The following UNC5D variants were observed in gnomAD, a reference collection of about 807,000 sequenced individuals.
UNC5D encodes unc-5 netrin receptor D.
UNC5D carries 39 observed loss-of-function variants against 105.4 expected under a neutral mutation model. The ratio of observed to expected loss-of-function variants is 0.37; its 90% CI spans 0.29 to 0.48. The LOEUF is 0.48. UNC5D is among the 20% of genes least tolerant of loss of function. The probability of loss-of-function intolerance (pLI) is 0.98; values close to 1 mark genes in which losing one functional copy is unlikely to be tolerated. For synonymous variants in UNC5D, 452 were observed against 450.4 expected, an observed-to-expected ratio of 1.00 and a Z score of -0.04; for missense variants, 991 against 1,202.4, an observed-to-expected ratio of 0.82 and a Z score of 2.60.
chr8:35,551,379 T>G (rs931124535), intron 2 of UNC5D, among the ~76,000 whole-genome samples: 2 of 152,126 alleles, frequency 1.3e-5, no homozygotes, highest in African/African-American at 4.8e-5. Flanking sequence ...GAAGAGTAGA[T>G]TTGAGAATCA....
rs573154162 is a variant in UNC5D, at chr8:35,614,573, A to T, written c.570+18916A>T. ...GAAAACTAATACACTCTAAAAAAAAAAGTGAGTTTTACTAGTTAAACGCTA... is the reference window on the plus strand; with the variant it reads ...GAAAACTAATACACTCTAAAAAAAATAGTGAGTTTTACTAGTTAAACGCTA... On this transcript the variant is annotated intron_variant, in intron 4 of 16. Transcript: ENST00000404895. 1.2e-4 allele frequency among the ~76,000 whole-genome samples: 19 copies of T among 152,258 alleles called. 1 individual carries two copies. In the South Asian group the frequency reaches 3.9e-3, roughly 32 times the overall value.
chr8:35,269,709 G>A (rs971312206), intron 1 of UNC5D, among the ~76,000 whole-genome samples: 7 of 152,092 alleles, frequency 4.6e-5, no homozygotes, highest in African/African-American at 7.2e-5. Flanking sequence ...TCCCATCGCC[G>A]GTTTGGGTAT....
At chr8:35,356,213 A>C (rs1801543847) in intron 1 of UNC5D, among the ~76,000 whole-genome samples, 1 of 151,928 alleles carries the variant, frequency 6.6e-6, no homozygotes. Flanking sequence ...CAACCAAGCT[A>C]CTCCAGGAAT....
At chr8:35,604,633 G>C (rs1461078362) in intron 4 of UNC5D, among the ~76,000 whole-genome samples, 2 of 152,224 alleles carry the variant, frequency 1.3e-5, no homozygotes, top group Admixed American at 1.3e-4. Flanking sequence ...ATATCCTGCA[G>C]AGTGTTTTCC....
At chr8:35,784,092 C>T (rs929638157) in intron 16 of UNC5D, among the ~76,000 whole-genome samples, 2 of 152,072 alleles carry the variant, frequency 1.3e-5, no homozygotes, top group African/African-American at 2.4e-5. Flanking sequence ...TCCAGTTCTG[C>T]CCTGGCTTCT....
At chr8:35,526,306 C>T (rs551076912) in intron 1 of UNC5D, among the ~76,000 whole-genome samples, 1 of 152,172 alleles carries the variant, frequency 6.6e-6, no homozygotes, top group Non-Finnish European at 1.5e-5. Flanking sequence ...GCAGCACACT[C>T]TCCAGAAAGC....
At chr8:35,740,927 G>C (rs769000356) in intron 11 of UNC5D, among the ~76,000 whole-genome samples, 14 of 152,252 alleles carry the variant, frequency 9.2e-5, no homozygotes, top group Non-Finnish European at 2.1e-4. Flanking sequence ...AGAGAAGGCT[G>C]TTTTCTCTAT....
intron 1 of UNC5D, among the ~76,000 whole-genome samples, chr8:35,281,691 C>T (rs1346932176): frequency 1.3e-5 from 2 of 152,164 alleles, no homozygotes; most frequent in East Asian, 3.9e-4. Flanking sequence ...GCAGAATGTT[C>T]TCCTGTGAGC....
At chr8:35,583,042 G>GGT (rs1273858394) in intron 3 of UNC5D, among the ~76,000 whole-genome samples, 1 of 152,148 alleles carries the variant, frequency 6.6e-6, no homozygotes, top group Non-Finnish European at 1.5e-5. Context: ...TCAGAAAAGG[G>GGT]ATACTTGACA....
intron 3 of UNC5D, among the ~76,000 whole-genome samples, chr8:35,594,886 A>AAT (rs1178257610): frequency 1.6e-4 from 25 of 152,216 alleles, no homozygotes; most frequent in African/African-American, 5.3e-4. Context: ...GTAAAAGGTT[A>AAT]ATAGTACAGC....
In UNC5D at chr8:35,534,170, C is replaced by T. The variant is rs374914007; in HGVS notation, c.104-15122C>T. 2.4e-4 allele frequency among the ~76,000 whole-genome samples: 36 copies of T among 152,038 alleles called. No individual in the cohort carries two copies. In the East Asian group the frequency reaches 4.3e-3, roughly 18 times the overall value. On this transcript the variant is annotated intron_variant, in intron 1 of 16. Coordinates refer to ENST00000404895, the MANE Select transcript of UNC5D (RefSeq NM_080872.4). ...TCAGTTTTCTTTTGTAGTTTTTTAT[C>T]GCTGGAATTGTATAATATTATAGGG... is the stretch of plus-strand genomic sequence containing the variant.
At chr8:35,490,227 G>T (rs1434090196) in intron 1 of UNC5D, among the ~76,000 whole-genome samples, 1 of 152,180 alleles carries the variant, frequency 6.6e-6, no homozygotes, top group Non-Finnish European at 1.5e-5. Context: ...TTGGAGCGGG[G>T]CACTATGGCT....
chr8:35,791,994 T>C lies in UNC5D; in HGVS notation c.*1431T>C, dbSNP rs1429813713. The C allele has an allele frequency of 6.6e-6, 1 of 152,154 alleles. No homozygotes were observed. The highest frequency in any genetic ancestry group is 1.5e-5 in the Non-Finnish European group (1 of 68,046). The allele number at this position is 152,154 out of a possible 1,614,324, so 9.4% of individuals were successfully genotyped here. On this transcript the variant is annotated 3_prime_UTR_variant, in exon 17 of 17. Transcript: ENST00000404895. ...TGAACAGATTTGCTCTTGCTCATCTTCTGGTGGATATTTTAACTTGCTATT... is the reference window on the plus strand; with the variant it reads ...TGAACAGATTTGCTCTTGCTCATCTCCTGGTGGATATTTTAACTTGCTATT...
At chr8:35,645,537 G>A (rs193170122) in intron 4 of UNC5D, among the ~76,000 whole-genome samples, 142 of 151,940 alleles carry the variant, frequency 9.3e-4, no homozygotes, top group African/African-American at 3.1e-3. Flanking sequence ...CTGTGTGTGT[G>A]TGTGTGTGTG....
intron 1 of UNC5D, among the ~76,000 whole-genome samples, chr8:35,495,458 C>CA (rs71547636): frequency 0.014 from 622 of 44,556 alleles, 2 homozygotes; most frequent in African/African-American, 0.026. Flanking sequence ...ACAACAACAA[C>CA]AAAAAAAAAA....
At chr8:35,511,424 A>G (rs1352548539) in intron 1 of UNC5D, among the ~76,000 whole-genome samples, 1 of 150,600 alleles carries the variant, frequency 6.6e-6, no homozygotes, top group East Asian at 2.0e-4. Context: ...TCTTGAGCCC[A>G]GGAATTCAAG....
intron 4 of UNC5D, among the ~76,000 whole-genome samples, chr8:35,608,588 C>T (rs976493736): frequency 2.0e-5 from 3 of 152,154 alleles, no homozygotes; most frequent in Non-Finnish European, 2.9e-5. Flanking sequence ...TTATTCTACA[C>T]TCTATGTCCC....
chr8:35,793,798 T>C lies in UNC5D; in HGVS notation c.*3235T>C, dbSNP rs1325850436. 1 of 152,556 alleles carries C rather than the reference T, an allele frequency of 6.6e-6. No individual in the cohort carries two copies. The highest frequency in any genetic ancestry group is 1.5e-5 in the Non-Finnish European group (1 of 68,012). The allele number at this position is 152,556 out of a possible 1,614,324, so 9.5% of individuals were successfully genotyped here. On this transcript the variant is annotated 3_prime_UTR_variant, in exon 17 of 17. Transcript: ENST00000404895. ...AAACTCAGATGTACTCCCACAAAAA[T>C]TTTATTGGCCTTTTTGTAAGAGATG...
intron 16 of UNC5D, among the ~76,000 whole-genome samples, chr8:35,783,344 A>C (rs1190216177): frequency 6.6e-6 from 1 of 152,162 alleles, no homozygotes; most frequent in Non-Finnish European, 1.5e-5. Flanking sequence ...GCCGCAACTC[A>C]AATGCAATCC....
Sources: gnomAD v4.1 joint callset for allele counts (sites outside exome capture counted in the v4.1 genomes callset) on GRCh38, gnomAD v4.1.1 for gene constraint, MANE v1.5 for transcripts, NCBI Gene and HGNC (gene_info 2026-07-23, HGNC 2026-07-21) for gene names.